Variants in DCDC1 observed in about 807,000 individuals in gnomAD.
DCDC1 encodes the protein doublecortin domain-containing protein 1.
DCDC1 carries 200 observed loss-of-function variants against 178.3 expected under a neutral mutation model. The ratio of observed to expected loss-of-function variants is 1.12; its 90% CI spans 1.00 to 1.26. DCDC1 has a LOEUF of 1.26. DCDC1 is among the 50% of genes most tolerant of loss of function. The probability of loss-of-function intolerance (pLI) is 0.00; values close to 1 mark genes in which losing one functional copy is unlikely to be tolerated. For missense variants in DCDC1, 1,983 were observed against 1,749.2 expected (o/e 1.13, Z -2.38); for synonymous variants, 690 against 604.8 (o/e 1.14, Z -2.07).
chr11:30,913,001 G>T (rs1390711868), intron 27 of DCDC1, among the ~76,000 whole-genome samples: 1 of 152,138 alleles, frequency 6.6e-6, no homozygotes, highest in Non-Finnish European at 1.5e-5. Context: ...ACATGAAAGA[G>T]AACAAAGCAA....
chr11:31,364,797 G>A (rs551262345), intron 1 of DCDC1, among the ~76,000 whole-genome samples: 8 of 151,122 alleles, frequency 5.3e-5, no homozygotes, highest in African/African-American at 1.9e-4. Flanking sequence ...ATTCATTAGA[G>A]CTGATTCTCA....
intron 1 of DCDC1, among the ~76,000 whole-genome samples, chr11:31,360,214 CAAT>C (rs1276379325): frequency 6.6e-6 from 1 of 152,144 alleles, no homozygotes; most frequent in Non-Finnish European, 1.5e-5. Context: ...GGTTTGTTAA[CAAT>C]GCCACAGTTA....
chr11:31,348,742 T>A (rs1950931232), intron 1 of DCDC1, among the ~76,000 whole-genome samples: 1 of 152,126 alleles, frequency 6.6e-6, no homozygotes, highest in Non-Finnish European at 1.5e-5. Context: ...GACATGGAGA[T>A]CTCATTTGCA....
intron 10 of DCDC1, among the ~76,000 whole-genome samples, chr11:31,134,737 G>A (rs1962909499): frequency 6.6e-6 from 1 of 152,214 alleles, no homozygotes; most frequent in African/African-American, 2.4e-5. Flanking sequence ...GCTCACCTCT[G>A]TAATCCCAGC....
Position 31,310,229 on chromosome 11 carries a change from A to T in DCDC1, c.165-2321T>A, listed in dbSNP as rs117377289. ...GGGTAGTTTTTTATGTTAAAGAGTT[A>T]ATATTATTGGTCCACTATGAATAGT... On this transcript the variant is annotated intron_variant, in intron 3 of 38. Transcript: ENST00000684477. 3.7e-3 allele frequency among the ~76,000 whole-genome samples: 556 copies of T among 151,508 alleles called. 29 individuals are homozygous for T. In the East Asian group the frequency reaches 0.097, roughly 26 times the overall value.
intron 1 of DCDC1, among the ~76,000 whole-genome samples, chr11:31,338,505 A>C (rs1950381762): frequency 6.6e-6 from 1 of 152,180 alleles, no homozygotes; most frequent in African/African-American, 2.4e-5. Flanking sequence ...TTGGTGGCTA[A>C]AAGGTTGGAT....
intron 1 of DCDC1, among the ~76,000 whole-genome samples, chr11:31,368,796 T>C (rs1008334311): frequency 6.6e-6 from 1 of 152,200 alleles, no homozygotes; most frequent in Non-Finnish European, 1.5e-5. Context: ...AAGTGAAATT[T>C]ATGTCATGCT....
At chr11:30,978,907 A>C (rs1950248113) in intron 20 of DCDC1, among the ~76,000 whole-genome samples, 1 of 152,118 alleles carries the variant, frequency 6.6e-6, no homozygotes, top group Admixed American at 6.6e-5. Context: ...TATATGGATA[A>C]GAATATGCAA....
intron 9 of DCDC1, among the ~76,000 whole-genome samples, chr11:31,144,873 A>C (rs928460525): frequency 3.9e-5 from 6 of 152,134 alleles, no homozygotes; most frequent in Non-Finnish European, 8.8e-5. Flanking sequence ...TGATGTTATT[A>C]AAGTTCCTTT....
In DCDC1 at chr11:30,993,797, C is replaced by T. The variant is rs1951107870; in HGVS notation, c.2592-41229G>A. Among the ~76,000 whole-genome samples, 4 of 152,214 alleles carry T rather than the reference C, an allele frequency of 2.6e-5. No homozygotes were observed. In the South Asian group the frequency reaches 8.3e-4, roughly 32 times the overall value. ...TTTAATAGGTGTATTCAAGACGTTACATTTGTAGTCAAAATTTTTCCAGAA... is the reference window on the plus strand; with the variant it reads ...TTTAATAGGTGTATTCAAGACGTTATATTTGTAGTCAAAATTTTTCCAGAA... On this transcript the variant is annotated intron_variant, in intron 20 of 38. Coordinates refer to ENST00000684477, the MANE Select transcript of DCDC1 (RefSeq NM_001387274.1).
At chr11:31,302,992 C>A (rs569150435) in intron 6 of DCDC1, among the ~76,000 whole-genome samples, 3 of 152,158 alleles carry the variant, frequency 2.0e-5, no homozygotes, top group Non-Finnish European at 4.4e-5. Flanking sequence ...AAATAGTATT[C>A]TCAGTTTGAA....
At chr11:31,103,141 A>G (rs208081) in intron 14 of DCDC1, among the ~76,000 whole-genome samples, 13,570 of 152,210 alleles carry the variant, frequency 0.089, 813 homozygotes, top group East Asian at 0.29. Context: ...TAAGAAACCA[A>G]CACCAATCTG....
At chr11:31,081,062 C>T (rs921628427) in intron 17 of DCDC1, among the ~76,000 whole-genome samples, 3 of 152,114 alleles carry the variant, frequency 2.0e-5, no homozygotes, top group Admixed American at 2.0e-4. Context: ...AAAAGATGTC[C>T]ACCAAGCTGG....
intron 9 of DCDC1, among the ~76,000 whole-genome samples, chr11:31,215,486 C>A (rs1233670475): frequency 6.6e-6 from 1 of 152,112 alleles, no homozygotes; most frequent in Non-Finnish European, 1.5e-5. Context: ...TTGTCAGCTA[C>A]TTCTCTGCCT....
rs748072166 is a variant in DCDC1 at position 30,922,588 on chromosome 11, A to C, written c.3048T>G (p.Ala1016=). Residue 1016 remains alanine (A), a synonymous_variant, in exon 24 of 39, where the codon GCT becomes GCG. Transcript: ENST00000684477. Reference sequence around the variant, plus strand: ...TCAGGAATATTTGTTTCTTTTGCTGAGCAATGGACAGGTCAGGATTGATCC... The same window carrying C: ...TCAGGAATATTTGTTTCTTTTGCTGCGCAATGGACAGGTCAGGATTGATCC... The part of the protein sequence containing the change: ...ELWINPDLSI[A]QQKKQIFLRN... 1 of 1,586,424 alleles carries C rather than the reference A, an allele frequency of 6.3e-7. No homozygotes were observed. Among genetic ancestry groups the C allele is most frequent in the Non-Finnish European group, 8.5e-7 (1 of 1,170,404 alleles).
chr11:31,014,919 C>G (rs1952392060), intron 20 of DCDC1, among the ~76,000 whole-genome samples: 1 of 151,484 alleles, frequency 6.6e-6, no homozygotes, highest in Admixed American at 6.6e-5. Context: ...TTCATTATGG[C>G]AAGGTTTAAA....
intron 7 of DCDC1, among the ~76,000 whole-genome samples, chr11:31,272,135 C>T (rs552274545): frequency 6.7e-6 from 1 of 149,872 alleles, no homozygotes; most frequent in South Asian, 2.2e-4. Flanking sequence ...GCACTCCAGC[C>T]TGGTTGGCAG....
intron 2 of DCDC1, among the ~76,000 whole-genome samples, chr11:31,332,444 T>C (rs1420794345): frequency 6.6e-6 from 1 of 152,180 alleles, no homozygotes; most frequent in African/African-American, 2.4e-5. Context: ...TTGCTCTTGC[T>C]TCTCTAGTTC....
At chr11:31,323,555 T>C (rs946510439) in intron 3 of DCDC1, among the ~76,000 whole-genome samples, 6 of 152,210 alleles carry the variant, frequency 3.9e-5, no homozygotes, top group African/African-American at 1.4e-4. Flanking sequence ...GACAAGCATA[T>C]ATTTCTTGCT....
Sources: allele counts gnomAD v4.1 joint callset (sites outside exome capture counted in the v4.1 genomes callset), GRCh38; gene constraint gnomAD v4.1.1; transcripts MANE v1.5; gene names NCBI Gene and HGNC (gene_info 2026-07-23, HGNC 2026-07-21).